The following NSG1 variants were observed in gnomAD, a reference collection of about 807,000 sequenced individuals.
The protein encoded by NSG1 is neuronal vesicle trafficking associated 1.
A neutral mutation model predicts 19.3 loss-of-function variants in NSG1; 9 were observed. That is an observed-to-expected ratio of 0.47 (90% CI 0.28 to 0.81). NSG1 has a LOEUF of 0.81. Ranked by LOEUF, NSG1 falls within the 40% of genes least tolerant of loss-of-function variation. NSG1 has a pLI of 0.11. For missense variants in NSG1, 236 were observed against 242.4 expected (o/e 0.97, Z 0.18); for synonymous variants, 104 against 107.0 (o/e 0.97, Z 0.17).
At chr4:4,388,392 C>T (rs937352353) in intron 2 of NSG1, among the ~76,000 whole-genome samples, 1 of 152,256 alleles carries the variant, frequency 6.6e-6, no homozygotes, top group African/African-American at 2.4e-5. Flanking sequence ...CATTCATCAA[C>T]CTTTCCCCAA....
intron 2 of NSG1, among the ~76,000 whole-genome samples, chr4:4,390,940 G>A (rs1722957998): frequency 6.6e-6 from 1 of 151,998 alleles, no homozygotes; most frequent in Admixed American, 6.6e-5. Context: ...CAGGGGGAGA[G>A]GAGGATGTGG....
At chr4:4,391,315 C>G (rs187182059) in intron 2 of NSG1, among the ~76,000 whole-genome samples, 160 bp from the exon 3 acceptor site, 34 of 152,348 alleles carry the variant, frequency 2.2e-4, no homozygotes, top group African/African-American at 7.9e-4. Context: ...TCTGAAAGTC[C>G]TGCCACAGAG....
chr4:4,386,968 C>G (rs1434352535), upstream of NSG1: 1 of 150,252 alleles, frequency 6.7e-6, no homozygotes, highest in African/African-American at 2.4e-5. Context: ...GGCGCGGCCA[C>G]ACGCGCGCAC....
chr4:4,398,312 GGTAA>G (rs1242639732), intron 3 of NSG1, among the ~76,000 whole-genome samples: 2 of 152,150 alleles, frequency 1.3e-5, no homozygotes, highest in Non-Finnish European at 2.9e-5. Flanking sequence ...ACCGCTTTAA[GGTAA>G]GTGCCATATT....
chr4:4,408,388 G>A (rs962591417), intron 3 of NSG1, among the ~76,000 whole-genome samples: 7 of 152,158 alleles, frequency 4.6e-5, no homozygotes, highest in East Asian at 3.9e-4. Flanking sequence ...CCTCCCACCC[G>A]GCCAGGGAGC....
At chr4:4,399,694 G>A (rs77047116) in intron 3 of NSG1, among the ~76,000 whole-genome samples, 7,491 of 151,920 alleles carry the variant, frequency 0.049, 592 homozygotes, top group African/African-American at 0.17. Flanking sequence ...CTAAGATAGC[G>A]GTCCCCAACC....
chr4:4,403,039 TC>T (rs1372021404), intron 3 of NSG1, among the ~76,000 whole-genome samples: 1 of 152,244 alleles, frequency 6.6e-6, no homozygotes, highest in African/African-American at 2.4e-5. Flanking sequence ...GCTCCAGGTG[TC>T]CAAGAGTTGT....
intron 4 of NSG1, among the ~76,000 whole-genome samples, chr4:4,412,147 C>T (rs1271476710): frequency 6.6e-6 from 1 of 152,154 alleles, no homozygotes; most frequent in African/African-American, 2.4e-5. Context: ...TGTGGTCCAT[C>T]GTTGACCCAA....
intron 4 of NSG1, chr4:4,415,806 C>T (rs35412725): frequency 0.034 from 12,075 of 356,442 alleles, 255 homozygotes; most frequent in Middle Eastern, 0.046. Context: ...ACCCTTGGTC[C>T]GTTTCCCTGA....
At chr4:4,409,358 G>A (rs1335307153) in intron 3 of NSG1, among the ~76,000 whole-genome samples, 1 of 152,246 alleles carries the variant, frequency 6.6e-6, no homozygotes, top group Non-Finnish European at 1.5e-5. Context: ...TAAAATGAAT[G>A]TCACTTATGA....
intron 3 of NSG1, among the ~76,000 whole-genome samples, chr4:4,393,113 A>C (rs1242190692): frequency 6.6e-6 from 1 of 152,136 alleles, no homozygotes; most frequent in Non-Finnish European, 1.5e-5. Flanking sequence ...TTTCAAGGTC[A>C]TGGTGTCCTC....
rs142386155 is a variant in NSG1 at position 4,397,766 on chromosome 4, G to A, written c.246+6175G>A. On this transcript the variant is annotated intron_variant, in intron 3 of 4. Coordinates refer to ENST00000621129, the MANE Select transcript of NSG1 (RefSeq NM_014392.5). ...ACACATATTCCCTCCTTATCCACTC[G>A]TTATAAACGCACCCTGAGGCCCAGA... 3.7e-3 allele frequency among the ~76,000 whole-genome samples: 566 copies of A among 152,162 alleles called. 3 individuals carry two copies. Among genetic ancestry groups the A allele is most frequent in the African/African-American group, 0.013 (541 of 41,518 alleles).
chr4:4,417,024 A>G (rs1724581755), intron 4 of NSG1, among the ~76,000 whole-genome samples: 1 of 151,976 alleles, frequency 6.6e-6, no homozygotes, highest in South Asian at 2.1e-4. Flanking sequence ...CTGCCATGGC[A>G]CTCACCAGCC....
intron 3 of NSG1, among the ~76,000 whole-genome samples, chr4:4,400,869 T>C (rs1723514584): frequency 6.6e-6 from 1 of 152,270 alleles, no homozygotes; most frequent in African/African-American, 2.4e-5. Flanking sequence ...CAAATTTATA[T>C]TTTTGTAATA....
chr4:4,414,709 G>C (rs1162768932), intron 4 of NSG1, among the ~76,000 whole-genome samples: 1 of 152,124 alleles, frequency 6.6e-6, no homozygotes, highest in Non-Finnish European at 1.5e-5. Flanking sequence ...GAGGCTCTTC[G>C]TGGAGCCCAA....
intron 4 of NSG1, among the ~76,000 whole-genome samples, chr4:4,416,354 A>G (rs1490092272): frequency 6.6e-6 from 1 of 152,202 alleles, no homozygotes; most frequent in South Asian, 2.1e-4. Context: ...TTTGTTCACA[A>G]GGGCCTTGCA....
Sources: gnomAD v4.1 joint callset for allele counts (sites outside exome capture counted in the v4.1 genomes callset) on GRCh38, gnomAD v4.1.1 for gene constraint, MANE v1.5 for transcripts, NCBI Gene and HGNC (gene_info 2026-07-23, HGNC 2026-07-21) for gene names.